FERMT3: variants seen among roughly 807,000 people sequenced by gnomAD.
The protein encoded by FERMT3 is FERM domain containing kindlin 3, also known as fermitin family homolog 3.
In FERMT3, 33 loss-of-function variants were observed where a neutral mutation model predicts 80.8. The ratio of observed to expected loss-of-function variants is 0.41; its 90% CI spans 0.31 to 0.55. FERMT3 has a LOEUF of 0.55. Ranked by LOEUF, FERMT3 falls within the 20% of genes least tolerant of loss-of-function variation. The pLI, the probability that FERMT3 is intolerant of heterozygous loss-of-function variation, is 0.31. For synonymous variants in FERMT3, 375 were observed against 372.2 expected (o/e 1.01, Z -0.09); for missense variants, 754 against 908.7 (o/e 0.83, Z 2.19).
chr11:64,206,163 C>T (rs75391897), upstream of FERMT3, among the ~76,000 whole-genome samples: 27 of 152,258 alleles, frequency 1.8e-4, no homozygotes, highest in African/African-American at 6.3e-4. Flanking sequence ...ATGGTCTGGG[C>T]CAAGTACTGT....
rs539036079 is a variant in FERMT3 at position 64,214,314 on chromosome 11, C to T, written c.786+2567C>T. ...TCCCAAGTAGCTGGGACTGCAGGCACGCGCCACCATGCCCAGCTAACTGTA... is the reference window on the plus strand; with the variant it reads ...TCCCAAGTAGCTGGGACTGCAGGCATGCGCCACCATGCCCAGCTAACTGTA... On this transcript the variant is annotated intron_variant, in intron 6 of 14. Transcript: ENST00000345728. Among the ~76,000 whole-genome samples, 17 of 151,608 alleles carry T rather than the reference C, an allele frequency of 1.1e-4. No homozygotes were observed. The South Asian group carries it at 1.5e-3, about 13-fold the overall frequency.
At position 64,219,506 on chromosome 11, in the gene FERMT3, G is replaced by T; in HGVS notation, c.895-18G>T. 6.3e-7 allele frequency: 1 copy of T among 1,591,276 alleles called. No individual in the cohort carries two copies. The stretch of plus-strand genomic sequence containing the variant: ...CAGGCTGCTGGACTCAGCCCTCCCT[G>T]GCTTCATGACCACCTAGTACCACAT... On this transcript the variant is annotated intron_variant, in intron 7 of 14. Coordinates refer to ENST00000345728, the MANE Select transcript of FERMT3 (RefSeq NM_031471.6). The surrounding 1 kb of genome is among the most constrained non-coding windows in gnomAD (Gnocchi z 4.0).
At position 64,210,489 on chromosome 11, in the gene FERMT3, C is replaced by A; in HGVS notation, c.161-122C>A. The A allele has an allele frequency of 3.0e-6, 3 of 993,188 alleles. No individual in the cohort carries two copies. The highest frequency in any genetic ancestry group is 4.7e-6 in the Non-Finnish European group (3 of 642,636). 61.5% of individuals were successfully genotyped at this position (993,188 alleles called of 1,614,324 possible). A position where few individuals can be genotyped will look rare whatever the true frequency, so the allele number is the denominator to read the frequency against. ...GACCCCAGGCCCGCCCAGGCTGCCC[C>A]ACTCTTGGCTTAGGCAGGGCAGGGG... On this transcript the variant is annotated intron_variant, in intron 2 of 14. Coordinates refer to ENST00000345728, the MANE Select transcript of FERMT3 (RefSeq NM_031471.6). The surrounding 1 kb of genome is among the most constrained non-coding windows in gnomAD (Gnocchi z 4.3).
chr11:64,218,674 G>A (rs1394960692), intron 6 of FERMT3, among the ~76,000 whole-genome samples: 1 of 152,224 alleles, frequency 6.6e-6, no homozygotes, highest in Non-Finnish European at 1.5e-5. Flanking sequence ...CAGCGGGATT[G>A]TTGGTCTTCT....
Position 64,207,621 on chromosome 11 carries a change from G to A in FERMT3, c.160+97G>A, listed in dbSNP as rs879171486. ...GGGCCATCCCTGCTGCTCAGCTCCC[G>A]ATAATGGTGTCACGGTGACTCAGGC... On this transcript the variant is annotated intron_variant, in intron 2 of 14. Transcript: ENST00000345728. The A allele has an allele frequency of 9.5e-5, 136 of 1,425,130 alleles. No individual in the cohort carries two copies. In the South Asian group the frequency reaches 1.5e-3, roughly 16 times the overall value. The allele number at this position is 1,425,130 out of a possible 1,614,324, so 88.3% of individuals were successfully genotyped here. A position where few individuals can be genotyped will look rare whatever the true frequency, so the allele number is the denominator to read the frequency against.
chr11:64,211,738 G>T lies in FERMT3; in HGVS notation c.777G>T (p.Leu259Phe). Residue 259 changes from leucine to phenylalanine, a missense_variant, in exon 6 of 15, where the codon TTG becomes TTT. By Grantham distance (22) the Leu-to-Phe change is conservative. Transcript: ENST00000345728. The surrounding 1 kb of genome is among the most constrained non-coding windows in gnomAD (Gnocchi z 4.7). Reference protein sequence around the residue: ...LRFKYYSFFDLDPKTDPVRLT... With the variant: ...LRFKYYSFFDFDPKTDPVRLT... The stretch of plus-strand genomic sequence containing the variant: ...TCAAGTACTACAGCTTCTTCGATTT[G>T]GATCCCAAGGTGGGTCGGGGCAGGG... 1.2e-6 allele frequency: 2 copies of T among 1,614,152 alleles called. No individual in the cohort carries two copies. Among genetic ancestry groups the T allele is most frequent in the East Asian group, 4.5e-5 (2 of 44,884 alleles).
chr11:64,213,108 T>G (rs1297586758), intron 6 of FERMT3, among the ~76,000 whole-genome samples: 1 of 151,112 alleles, frequency 6.6e-6, no homozygotes, highest in Non-Finnish European at 1.5e-5. Flanking sequence ...CAAGCTAGAG[T>G]GCAGTGGTGC....
At chr11:64,207,686 A>C in intron 2 of FERMT3, 162 bp downstream of exon 2, 1 of 834,752 alleles carries the variant, frequency 1.2e-6, no homozygotes, top group South Asian at 1.9e-5. Flanking sequence ...ACATTTCCCC[A>C]ACTTCCTCTC....
chr11:64,223,708 T>C lies in FERMT3; in HGVS notation c.*216T>C, dbSNP rs371816990. 17 of 753,608 alleles carry C rather than the reference T, an allele frequency of 2.3e-5. No homozygotes were observed. The African/African-American group carries it at 2.3e-4, about 10-fold the overall frequency. 46.7% of individuals were successfully genotyped at this position (753,608 alleles called of 1,614,324 possible). A position where few individuals can be genotyped will look rare whatever the true frequency, so the allele number is the denominator to read the frequency against. On this transcript the variant is annotated 3_prime_UTR_variant, in exon 15 of 15. Transcript: ENST00000345728. ...ATGGGGGTGGGGGTCCCTGAGCTCATGTGGTGCCCCCTTTCCTTGTCTGAG... is the reference window on the plus strand; with the variant it reads ...ATGGGGGTGGGGGTCCCTGAGCTCACGTGGTGCCCCCTTTCCTTGTCTGAG...
At position 64,211,671 on chromosome 11, in the gene FERMT3, T is replaced by C. The variant is rs755560869; in HGVS notation, c.710T>C (p.Met237Thr). Residue 237 changes from methionine to threonine, a missense_variant, in exon 6 of 15, where the codon ATG (methionine) becomes ACG (threonine). By Grantham distance (81) the Met-to-Thr change is moderately conservative. Transcript: ENST00000345728. The surrounding 1 kb of genome is among the most constrained non-coding windows in gnomAD (Gnocchi z 4.7). The stretch of plus-strand genomic sequence containing the variant: ...TGGCTGGACTCGTCGCGGTGTCTCA[T>C]GCAGCAGGGCATCAAGGCCGGGGAC... ...SRWLDSSRCL[M>T]QQGIKAGDAL... The C allele has an allele frequency of 1.2e-6, 2 of 1,614,154 alleles. No individual in the cohort carries two copies. The highest frequency in any genetic ancestry group is 2.2e-5 in the East Asian group (1 of 44,886).
chr11:64,222,896 G>A (rs1946742578), intron 13 of FERMT3, 152 bp from the exon 14 acceptor site: 2 of 914,138 alleles, frequency 2.2e-6, no homozygotes, highest in Non-Finnish European at 1.7e-6. Context: ...AGGAACTTGA[G>A]GCCCAGGGAA....
chr11:64,214,225 A>G (rs933766081), intron 6 of FERMT3, among the ~76,000 whole-genome samples: 1 of 141,274 alleles, frequency 7.1e-6, no homozygotes, highest in Non-Finnish European at 1.5e-5. Flanking sequence ...CTGGAGTACA[A>G]TGGCACAATC....
rs141200776 is a variant in FERMT3 at position 64,219,567 on chromosome 11, C to T, written c.938C>T (p.Pro313Leu). 6.8e-5 allele frequency: 109 copies of T among 1,611,900 alleles called. No homozygotes were observed. The African/African-American group carries it at 6.9e-4, about 10-fold the overall frequency. ...TCCCAGAGCGGGGAGGTGGGGGAGC[C>T]GGCTGGCACAGACCCAGGGCTGGAC... Reference protein sequence around the residue: ...KLSQSGEVGEPAGTDPGLDDL... With the variant: ...KLSQSGEVGELAGTDPGLDDL... The change falls in exon 8 of 15, where the codon CCG becomes CTG. Residue 313 changes from proline to leucine, a missense_variant. Coordinates refer to ENST00000345728, the MANE Select transcript of FERMT3 (RefSeq NM_031471.6). This position sits in a 1 kb window ranked among gnomAD's most constrained non-coding sequence, Gnocchi z 4.0.
chr11:64,220,675 A>G lies in FERMT3; in HGVS notation c.1545+6A>G, dbSNP rs1343496584. Reference sequence around the variant, plus strand: ...GAAAGTTCAAGGCCAAGCAGGTACCAGAAGGCGTCAGGGTGGGAATGAGCA... The same window carrying G: ...GAAAGTTCAAGGCCAAGCAGGTACCGGAAGGCGTCAGGGTGGGAATGAGCA... On this transcript the variant is annotated splice_donor_region_variant and intron_variant, in intron 12 of 14. Coordinates refer to ENST00000345728, the MANE Select transcript of FERMT3 (RefSeq NM_031471.6). The G allele has an allele frequency of 6.2e-7, 1 of 1,606,202 alleles. No homozygotes were observed. Among genetic ancestry groups the G allele is most frequent in the South Asian group, 1.1e-5 (1 of 90,164 alleles).
In FERMT3 at chr11:64,211,138, C is replaced by G. The variant is rs900256457; in HGVS notation, c.481C>G (p.Leu161Val). The G allele has an allele frequency of 7.0e-5, 109 of 1,548,930 alleles. No individual in the cohort carries two copies. The highest frequency in any genetic ancestry group is 9.1e-5 in the Non-Finnish European group (104 of 1,147,278). Residue 161 changes from leucine to valine, a missense_variant, in exon 4 of 15, where the codon CTC becomes GTC. By Grantham distance (32) the Leu-to-Val change is conservative (BLOSUM62 1). Transcript: ENST00000345728. The surrounding 1 kb of genome is among the most constrained non-coding windows in gnomAD (Gnocchi z 4.7). The stretch of plus-strand genomic sequence containing the variant: ...GAAAGAGAAGGAGCCAGAGGAAGAG[C>G]TCTATGACTTGAGCAAGGTTGTCTT... ...KKKEKEPEEE[L>V]YDLSKVVLAG... is the part of the protein sequence containing the mutation.
Position 64,223,710 on chromosome 11 carries a change from TG to T in FERMT3, c.*220del. The T allele has an allele frequency of 1.3e-6, 1 of 748,786 alleles. No homozygotes were observed. 46.4% of individuals were successfully genotyped at this position (748,786 alleles called of 1,614,324 possible). A position where few individuals can be genotyped will look rare whatever the true frequency, so the allele number is the denominator to read the frequency against. On this transcript the variant is annotated 3_prime_UTR_variant, in exon 15 of 15. Coordinates refer to ENST00000345728, the MANE Select transcript of FERMT3 (RefSeq NM_031471.6). ...GGGGGTGGGGGTCCCTGAGCTCATGTGGTGCCCCCTTTCCTTGTCTGAGTGG... is the reference window on the plus strand; with the variant it reads ...GGGGGTGGGGGTCCCTGAGCTCATGTGTGCCCCCTTTCCTTGTCTGAGTGG...
Position 64,211,064 on chromosome 11 carries a change from C to G in FERMT3, c.407C>G (p.Pro136Arg), listed in dbSNP as rs372070023. 3 of 1,595,650 alleles carry G rather than the reference C, an allele frequency of 1.9e-6. No individual in the cohort carries two copies. Among genetic ancestry groups the G allele is most frequent in the Admixed American group, 1.7e-5 (1 of 57,742 alleles). ...TAGCTCCCCTCAGGCATCCGGCACC[C>G]CGAGGAGCTGTCCCTGCTCCGGGCT... ...AICRLLSIRH[P>R]EELSLLRAPE... is the part of the protein sequence containing the mutation. The change falls in exon 4 of 15, where the codon CCC (proline) becomes CGC (arginine). Residue 136 changes from proline to arginine, a missense_variant. Physicochemically the swap from Pro to Arg is moderately radical, Grantham distance 103 (BLOSUM62 -2). Transcript: ENST00000345728. The surrounding 1 kb of genome is among the most constrained non-coding windows in gnomAD (Gnocchi z 4.7).
chr11:64,208,750 A>G (rs1347045765), intron 2 of FERMT3, among the ~76,000 whole-genome samples: 2 of 151,760 alleles, frequency 1.3e-5, no homozygotes, highest in Non-Finnish European at 2.9e-5. Flanking sequence ...TGGGACTCGG[A>G]GGGCTGTGAA....
In FERMT3 at chr11:64,223,593, A is replaced by ACCCAGCAGGTGAAATG; in HGVS notation, c.*107_*108insAGGTGAAATGCCCAGC. The stretch of plus-strand genomic sequence containing the variant: ...TGCCCCACACCCGCTCCAGGCAGGC[A>ACCCAGCAGGTGAAATG]CCCAGCTGGGCATTTCACCTGCTGT... On this transcript the variant is annotated 3_prime_UTR_variant, in exon 15 of 15. Coordinates refer to ENST00000345728, the MANE Select transcript of FERMT3 (RefSeq NM_031471.6). 1 of 1,395,920 alleles carries ACCCAGCAGGTGAAATG rather than the reference A, an allele frequency of 7.2e-7. No homozygotes were observed. Among genetic ancestry groups the ACCCAGCAGGTGAAATG allele is most frequent in the Non-Finnish European group, 9.8e-7 (1 of 1,020,844 alleles). The allele number at this position is 1,395,920 out of a possible 1,614,324, so 86.5% of individuals were successfully genotyped here. A position where few individuals can be genotyped will look rare whatever the true frequency, so the allele number is the denominator to read the frequency against.
Sources: allele counts gnomAD v4.1 joint callset (sites outside exome capture counted in the v4.1 genomes callset), GRCh38; gene constraint gnomAD v4.1.1; non-coding constraint Gnocchi (gnomAD v3.1); transcripts MANE v1.5; gene names NCBI Gene and HGNC (gene_info 2026-07-23, HGNC 2026-07-21).